The following HCN1 variants were observed in gnomAD, a reference collection of about 807,000 sequenced individuals.
The protein encoded by HCN1 is potassium/sodium hyperpolarization-activated cyclic nucleotide-gated channel 1.
HCN1 carries 13 observed loss-of-function variants against 78.9 expected under a neutral mutation model. The ratio of observed to expected loss-of-function variants is 0.16; its 90% CI spans 0.11 to 0.26. HCN1 has a LOEUF of 0.26. Ranked by LOEUF, HCN1 falls within the 10% of genes least tolerant of loss-of-function variation. HCN1 has a pLI of 1.00. For synonymous variants in HCN1, 552 were observed against 455.5 expected, an observed-to-expected ratio of 1.21 and a Z score of -2.70; for missense variants, 810 against 1,154.3, an observed-to-expected ratio of 0.70 and a Z score of 4.32.
intron 2 of HCN1, among the ~76,000 whole-genome samples, chr5:45,551,401 G>A (rs1471636967): frequency 6.6e-6 from 1 of 150,938 alleles, no homozygotes; most frequent in East Asian, 1.9e-4. Flanking sequence ...TTAGTTACAT[G>A]TAGAAATATA....
chr5:45,639,141 C>G (rs1414687309), intron 2 of HCN1, among the ~76,000 whole-genome samples: 5 of 151,908 alleles, frequency 3.3e-5, no homozygotes, highest in African/African-American at 1.2e-4. Context: ...AAGAAATGAA[C>G]TAGCCAAGCA....
intron 4 of HCN1, among the ~76,000 whole-genome samples, chr5:45,362,586 T>C (rs1234332799): frequency 6.6e-6 from 1 of 152,114 alleles, no homozygotes; most frequent in Non-Finnish European, 1.5e-5. Flanking sequence ...CCCTTGGATA[T>C]TAAATGCTGT....
At chr5:45,616,809 C>T (rs551882728) in intron 2 of HCN1, among the ~76,000 whole-genome samples, 211 of 151,972 alleles carry the variant, frequency 1.4e-3, no homozygotes, top group African/African-American at 4.9e-3. Flanking sequence ...ATTTTTCCTT[C>T]GATTTTTTAA....
intron 5 of HCN1, among the ~76,000 whole-genome samples, chr5:45,314,929 C>T (rs1457512925): frequency 6.6e-6 from 1 of 152,198 alleles, no homozygotes; most frequent in East Asian, 1.9e-4. Context: ...CCTTAGAGAC[C>T]TACAAAGAGA....
intron 2 of HCN1, among the ~76,000 whole-genome samples, chr5:45,560,171 T>A (rs1743565643): frequency 6.6e-6 from 1 of 152,152 alleles, no homozygotes; most frequent in African/African-American, 2.4e-5. Flanking sequence ...GTCACTTGCT[T>A]TATTGCTATA....
At chr5:45,562,238 G>A (rs1743619810) in intron 2 of HCN1, among the ~76,000 whole-genome samples, 1 of 151,966 alleles carries the variant, frequency 6.6e-6, no homozygotes, top group Admixed American at 6.6e-5. Context: ...CACATTTTGT[G>A]GTTTCATAAT....
At chr5:45,323,221 T>C (rs1746158883) in intron 5 of HCN1, among the ~76,000 whole-genome samples, 1 of 151,864 alleles carries the variant, frequency 6.6e-6, no homozygotes, top group African/African-American at 2.4e-5. Flanking sequence ...ATACACCAGA[T>C]TGTGAAGACT....
At chr5:45,531,613 T>C (rs1353856964) in intron 2 of HCN1, among the ~76,000 whole-genome samples, 1 of 152,196 alleles carries the variant, frequency 6.6e-6, no homozygotes, top group Admixed American at 6.5e-5. Context: ...ATGGACCCTC[T>C]GTCAGCCACA....
intron 2 of HCN1, among the ~76,000 whole-genome samples, chr5:45,500,602 C>T (rs1281774977): frequency 6.6e-6 from 1 of 151,804 alleles, no homozygotes; most frequent in Non-Finnish European, 1.5e-5. Flanking sequence ...TTTAAATAAC[C>T]CATAATATCT....
chr5:45,687,384 G>A (rs1739829122), intron 1 of HCN1, among the ~76,000 whole-genome samples: 1 of 151,954 alleles, frequency 6.6e-6, no homozygotes, highest in South Asian at 2.1e-4. Context: ...ATACCTTATG[G>A]TAGATTTTGA....
chr5:45,681,480 G>A (rs909957712), intron 1 of HCN1, among the ~76,000 whole-genome samples: 10 of 151,488 alleles, frequency 6.6e-5, no homozygotes, highest in Admixed American at 3.3e-4. Context: ...TTTACACAAG[G>A]GCTAATTTAA....
intron 5 of HCN1, among the ~76,000 whole-genome samples, chr5:45,328,155 T>G (rs983148867): frequency 1.3e-5 from 2 of 151,684 alleles, no homozygotes; most frequent in Non-Finnish European, 3.0e-5. Flanking sequence ...TTTCTGTTCA[T>G]GTATTCCACA....
At position 45,603,297 on chromosome 5, in the gene HCN1, C is replaced by T. The variant is rs551620741; in HGVS notation, c.849+41888G>A. ...TATATACTTTAAGATATATATGGAT[C>T]GTAGATGTTCTAATGGCTAGAACAA... On this transcript the variant is annotated intron_variant, in intron 2 of 7. Coordinates refer to ENST00000303230, the MANE Select transcript of HCN1 (RefSeq NM_021072.4). 2.6e-4 allele frequency among the ~76,000 whole-genome samples: 40 copies of T among 152,118 alleles called. No homozygotes were observed. In the South Asian group the frequency reaches 7.5e-3, roughly 28 times the overall value.
intron 2 of HCN1, among the ~76,000 whole-genome samples, chr5:45,508,129 G>A (rs1298500929): frequency 6.6e-6 from 1 of 152,078 alleles, no homozygotes; most frequent in Non-Finnish European, 1.5e-5. Flanking sequence ...AAAGCCTACT[G>A]TGAAAGCTTT....
chr5:45,370,413 G>T (rs531464131), intron 4 of HCN1, among the ~76,000 whole-genome samples: 1 of 151,704 alleles, frequency 6.6e-6, no homozygotes, highest in East Asian at 1.9e-4. Context: ...CAGAAACATT[G>T]GGCATATATT....
intron 1 of HCN1, among the ~76,000 whole-genome samples, chr5:45,677,486 A>T (rs1289240118): frequency 6.6e-6 from 1 of 151,850 alleles, no homozygotes; most frequent in Non-Finnish European, 1.5e-5. Context: ...AGACCTCCAA[A>T]AGGGGTATTA....
At chr5:45,589,084 G>A (rs997004421) in intron 2 of HCN1, among the ~76,000 whole-genome samples, 5 of 152,102 alleles carry the variant, frequency 3.3e-5, no homozygotes, top group Admixed American at 6.6e-5. Context: ...TAAATTCCCA[G>A]AAAAGATAAA....
intron 2 of HCN1, among the ~76,000 whole-genome samples, chr5:45,580,073 G>T (rs928007194): frequency 6.6e-6 from 1 of 152,190 alleles, no homozygotes; most frequent in Admixed American, 6.6e-5. Context: ...CAAGGATTCA[G>T]CCTATTCAGA....
chr5:45,424,391 C>A (rs1685425397), intron 3 of HCN1, among the ~76,000 whole-genome samples: 1 of 152,028 alleles, frequency 6.6e-6, no homozygotes, highest in Admixed American at 6.6e-5. Context: ...TATTAATTTC[C>A]TCTCTTTTAA....
Sources: allele counts gnomAD v4.1 joint callset (sites outside exome capture counted in the v4.1 genomes callset), GRCh38; gene constraint gnomAD v4.1.1; transcripts MANE v1.5; gene names NCBI Gene and HGNC (gene_info 2026-07-23, HGNC 2026-07-21).